The following STS variants were observed in gnomAD, a reference collection of about 807,000 sequenced individuals.
STS encodes the protein steroid sulfatase, also known as steryl-sulfatase.
STS carries 7 observed loss-of-function variants against 26.8 expected under a neutral mutation model. That is an observed-to-expected ratio of 0.26 (90% CI 0.15 to 0.49). The LOEUF is 0.49. Among genes scored for constraint, STS ranks in the 20% least tolerant of loss-of-function variants. STS has a pLI of 0.98. For synonymous variants in STS, 199 were observed against 189.4 expected, an observed-to-expected ratio of 1.05 and a Z score of -0.42; for missense variants, 434 against 465.6, an observed-to-expected ratio of 0.93 and a Z score of 0.63.
At chrX:7,208,097 A>G (rs1286453576) in intron 2 of STS, among the ~76,000 whole-genome samples, 1 of 112,671 alleles carries the variant, frequency 8.9e-6, no homozygotes, top group East Asian at 2.8e-4. Flanking sequence ...ACATACGGTG[A>G]TACAAAGCAA....
chrX:7,250,615 A>G (rs1347657442), intron 2 of STS, among the ~76,000 whole-genome samples: 1 of 112,022 alleles, frequency 8.9e-6, no homozygotes, highest in Non-Finnish European at 1.9e-5. Context: ...GATTAAGCCG[A>G]ATTGAGGGCC....
intron 2 of STS, among the ~76,000 whole-genome samples, chrX:7,231,089 G>A (rs747807196): frequency 3.6e-5 from 4 of 111,967 alleles, no homozygotes; most frequent in Non-Finnish European, 7.5e-5. Flanking sequence ...TAAAGTGAAA[G>A]CAACCCAGAC....
At chrX:7,331,621 G>C (rs1432231902) in intron 9 of STS, among the ~76,000 whole-genome samples, 2 of 111,705 alleles carry the variant, frequency 1.8e-5, no homozygotes, top group Non-Finnish European at 3.8e-5. Flanking sequence ...TTTTGTACTA[G>C]CAGCGTTAAT....
chrX:7,148,140 G>A (rs1569174137), intron 1 of STS, 57 bp downstream of exon 1: 4 of 1,070,866 alleles, frequency 3.7e-6, no homozygotes, highest in Admixed American at 3.0e-5. Flanking sequence ...TCTGGGTGGG[G>A]GCGAGGAGGA....
At chrX:7,211,643 T>G (rs1282022242) in intron 2 of STS, among the ~76,000 whole-genome samples, 1 of 112,089 alleles carries the variant, frequency 8.9e-6, no homozygotes, top group Non-Finnish European at 1.9e-5. Context: ...ACTCTCTTTG[T>G]TTTTCCAACC....
intron 2 of STS, 148 bp downstream of exon 2, chrX:7,191,156 C>T (rs921470193): frequency 1.5e-5 from 3 of 198,249 alleles, no homozygotes; most frequent in African/African-American, 9.3e-5. Flanking sequence ...GGATGACATA[C>T]ACATGGTGCT....
Position 7,241,002 on chromosome X carries a change from A to G in STS, c.-4-12194A>G, listed in dbSNP as rs377517972. Among the ~76,000 whole-genome samples the G allele has an allele frequency of 1.2e-4, 13 of 111,699 alleles. No homozygotes were observed. In the East Asian group the frequency reaches 2.5e-3, roughly 22 times the overall value. ...ACCTAAAACAACAGAAAGGAAAAAG[A>G]TAAATGCCCTCCATGTCTGATCACG... On this transcript the variant is annotated intron_variant, in intron 2 of 10. Transcript: ENST00000674429.
rs202138956 is a variant in STS, at chrX:7,305,036, T to C, written c.944-10T>C. On this transcript the variant is annotated splice_polypyrimidine_tract_variant and intron_variant, in intron 7 of 10. Transcript: ENST00000674429. ...GCATTATTTTTAAATGGAGTCTTTT[T>C]CCCCTCCAGGGCAGATCTTGAACCT... The C allele has an allele frequency of 3.0e-3, 3,625 of 1,209,138 alleles. 4 individuals carry two copies. Among genetic ancestry groups the C allele is most frequent in the South Asian group, 4.6e-3 (261 of 56,821 alleles).
chrX:7,222,908 T>G (rs1243465034), intron 2 of STS, among the ~76,000 whole-genome samples: 1 of 111,769 alleles, frequency 8.9e-6, no homozygotes, highest in Non-Finnish European at 1.9e-5. Context: ...CCTATCTCAC[T>G]GCCCACCTTT....
intron 1 of STS, among the ~76,000 whole-genome samples, chrX:7,162,882 TAAAA>T (rs758518020): frequency 4.0e-5 from 2 of 49,769 alleles, no homozygotes; most frequent in Non-Finnish European, 7.2e-5. Context: ...CCGTCTATAC[TAAAA>T]AAAAAAAAAA....
intron 6 of STS, among the ~76,000 whole-genome samples, chrX:7,273,962 C>T (rs957900531): frequency 1.1e-4 from 12 of 111,110 alleles, no homozygotes; most frequent in African/African-American, 3.9e-4. Context: ...AACAGGCTCT[C>T]AGAGGAGGTG....
intron 1 of STS, among the ~76,000 whole-genome samples, chrX:7,176,016 T>C (rs1321089628): frequency 8.9e-6 from 1 of 111,849 alleles, no homozygotes; most frequent in Non-Finnish European, 1.9e-5. Context: ...TCCATGTTCC[T>C]ACCTTGCCTC....
chrX:7,253,390 C>G (rs1923240953), intron 3 of STS, 54 bp downstream of exon 3: 3 of 1,195,857 alleles, frequency 2.5e-6, no homozygotes, highest in South Asian at 3.5e-5. Flanking sequence ...GGCAACAGTC[C>G]CCGGGATGGT....
At chrX:7,222,074 A>G (rs1921592388) in intron 2 of STS, among the ~76,000 whole-genome samples, 1 of 111,670 alleles carries the variant, frequency 9.0e-6, no homozygotes, top group Non-Finnish European at 1.9e-5. Context: ...ATGTGAGGAC[A>G]CATCAGGAAG....
intron 2 of STS, among the ~76,000 whole-genome samples, chrX:7,204,931 A>G (rs5934670): frequency 0.23 from 24,603 of 105,176 alleles, 2,651 homozygotes; most frequent in Admixed American, 0.42. Flanking sequence ...CTAATCAGTT[A>G]CTTATGATAT....
chrX:7,211,436 G>C (rs1002227707), intron 2 of STS, among the ~76,000 whole-genome samples: 7 of 111,415 alleles, frequency 6.3e-5, no homozygotes, highest in Admixed American at 9.5e-5. Flanking sequence ...GGAAGTCCTG[G>C]GCCACTAGTA....
intron 2 of STS, among the ~76,000 whole-genome samples, chrX:7,240,489 A>ATG (rs1459277833): frequency 4.2e-4 from 19 of 45,034 alleles, no homozygotes; most frequent in African/African-American, 1.5e-3. Flanking sequence ...ACACACAGAT[A>ATG]TGTATGTGTG....
At chrX:7,332,519 T>A (rs954884460) in intron 9 of STS, among the ~76,000 whole-genome samples, 2 of 110,332 alleles carry the variant, frequency 1.8e-5, no homozygotes, top group Non-Finnish European at 3.8e-5. Flanking sequence ...TGGGGAGTCA[T>A]TGAAAGACAT....
intron 8 of STS, among the ~76,000 whole-genome samples, chrX:7,311,587 C>T: frequency 8.9e-6 from 1 of 112,357 alleles, no homozygotes; most frequent in Non-Finnish European, 1.9e-5. Context: ...GTGGCTCACA[C>T]CTGTAATCCC....
Sources: allele counts gnomAD v4.1 joint callset (sites outside exome capture counted in the v4.1 genomes callset), GRCh38; gene constraint gnomAD v4.1.1; transcripts MANE v1.5; gene names NCBI Gene and HGNC (gene_info 2026-07-23, HGNC 2026-07-21).